Variants in TASP1 observed in about 807,000 individuals in gnomAD.
TASP1 encodes the protein taspase 1, also known as threonine aspartase 1.
A neutral mutation model predicts 56.6 loss-of-function variants in TASP1; 16 were observed. The observed-to-expected ratio is 0.28, with a 90% confidence interval of 0.19 to 0.43. The LOEUF (loss-of-function observed/expected upper bound fraction) is 0.43, where lower values mean the gene tolerates loss of function less well. TASP1 is among the 20% of genes least tolerant of loss of function. TASP1 has a pLI of 1.00. For missense variants in TASP1, 393 were observed against 511.6 expected (o/e 0.77, Z 2.24); for synonymous variants, 179 against 184.2 (o/e 0.97, Z 0.23).
the TASP1 span, among the ~76,000 whole-genome samples, chr20:13,262,180 T>A: frequency 6.6e-6 from 1 of 151,966 alleles, no homozygotes. Context: ...TCATTAAATA[T>A]TTGCTCAAAG....
At chr20:13,235,281 A>C in the TASP1 span, among the ~76,000 whole-genome samples, 40,670 of 152,084 alleles carry the variant, frequency 0.27, 5,687 homozygotes, top group African/African-American at 0.36. Context: ...GGGATTACAC[A>C]TCAGTCATAT....
At chr20:13,221,512 C>G in the TASP1 span, among the ~76,000 whole-genome samples, 1 of 144,290 alleles carries the variant, frequency 6.9e-6, no homozygotes, top group Non-Finnish European at 1.5e-5. Context: ...GCTCCGCAGC[C>G]GGCTTGGACA....
intron 12 of TASP1, among the ~76,000 whole-genome samples, chr20:13,419,566 T>C (rs75119973): frequency 0.02 from 2,984 of 152,266 alleles, 94 homozygotes; most frequent in African/African-American, 0.068. Flanking sequence ...AATAAAAATT[T>C]CAAAAGTCCC....
intron 13 of TASP1, among the ~76,000 whole-genome samples, chr20:13,406,286 G>A (rs1305391727): frequency 6.6e-6 from 1 of 152,138 alleles, no homozygotes; most frequent in Non-Finnish European, 1.5e-5. Context: ...CTATCTTACT[G>A]TGTTTTCCAA....
intron 10 of TASP1, among the ~76,000 whole-genome samples, chr20:13,493,457 C>G (rs1196407715): frequency 6.6e-6 from 1 of 152,164 alleles, no homozygotes; most frequent in African/African-American, 2.4e-5. Flanking sequence ...TGGCTTTTCC[C>G]TTTCCTATAC....
At chr20:13,426,992 T>C (rs1180269749) in intron 12 of TASP1, among the ~76,000 whole-genome samples, 1 of 152,214 alleles carries the variant, frequency 6.6e-6, no homozygotes, top group African/African-American at 2.4e-5. Context: ...CTTTTCCCAC[T>C]ACCAGCCTAA....
chr20:13,302,733 C>T, the TASP1 span, among the ~76,000 whole-genome samples: 1 of 152,316 alleles, frequency 6.6e-6, no homozygotes, highest in South Asian at 2.1e-4. Flanking sequence ...CTTTTGCCTT[C>T]CCCTGGAAAG....
intron 11 of TASP1, among the ~76,000 whole-genome samples, chr20:13,472,085 C>T (rs909896991): frequency 6.6e-6 from 1 of 151,220 alleles, no homozygotes; most frequent in Non-Finnish European, 1.5e-5. Flanking sequence ...TACCTGACTT[C>T]AAACTATACT....
At chr20:13,210,594 G>T in the TASP1 span, among the ~76,000 whole-genome samples, 1 of 149,146 alleles carries the variant, frequency 6.7e-6, no homozygotes, top group African/African-American at 2.5e-5. Context: ...TAAATGGGTT[G>T]TTGTGTGTTT....
the TASP1 span, among the ~76,000 whole-genome samples, chr20:13,192,875 T>A: frequency 9.9e-5 from 15 of 152,186 alleles, no homozygotes; most frequent in Non-Finnish European, 2.1e-4. Context: ...TTTTCAGAAG[T>A]AACAAAAGTA....
the TASP1 span, among the ~76,000 whole-genome samples, chr20:13,179,673 T>C: frequency 6.6e-6 from 1 of 152,086 alleles, no homozygotes; most frequent in Non-Finnish European, 1.5e-5. Flanking sequence ...TCCTGACCCA[T>C]GCAGAGTGAA....
At chr20:13,378,828 T>C in the TASP1 span, among the ~76,000 whole-genome samples, 1 of 152,238 alleles carries the variant, frequency 6.6e-6, no homozygotes, top group Non-Finnish European at 1.5e-5. Context: ...CATTATGTAA[T>C]GCCTTTCTTT....
chr20:13,294,173 C>T, the TASP1 span, among the ~76,000 whole-genome samples: 4 of 152,006 alleles, frequency 2.6e-5, no homozygotes, highest in African/African-American at 9.7e-5. Flanking sequence ...CTTGATTTTG[C>T]CAGATTATAT....
the TASP1 span, among the ~76,000 whole-genome samples, chr20:13,366,806 TCC>T: frequency 6.6e-6 from 1 of 152,134 alleles, no homozygotes; most frequent in Non-Finnish European, 1.5e-5. Flanking sequence ...AAAAAGCATT[TCC>T]CCTTTCCTTG....
intron 11 of TASP1, among the ~76,000 whole-genome samples, chr20:13,459,672 T>C (rs115436652): frequency 3.0e-3 from 450 of 152,142 alleles, no homozygotes; most frequent in African/African-American, 0.01. Context: ...TATTTCCTCC[T>C]CCATGGGAAC....
chr20:13,306,241 C>A, the TASP1 span, among the ~76,000 whole-genome samples: 1 of 152,008 alleles, frequency 6.6e-6, no homozygotes, highest in Non-Finnish European at 1.5e-5. Context: ...AAATTTCAAG[C>A]CTGACTTTTA....
At chr20:13,613,649 T>C (rs1274996704) in intron 4 of TASP1, among the ~76,000 whole-genome samples, 2 of 152,068 alleles carry the variant, frequency 1.3e-5, no homozygotes, top group Non-Finnish European at 2.9e-5. Flanking sequence ...TTCACCCAAA[T>C]ACTGGCCAAT....
the TASP1 span, among the ~76,000 whole-genome samples, chr20:13,223,794 T>G: frequency 5.1e-4 from 77 of 152,316 alleles, no homozygotes; most frequent in African/African-American, 1.7e-3. Context: ...TCTTAATATC[T>G]TCAAGATTTC....
the TASP1 span, among the ~76,000 whole-genome samples, chr20:13,202,742 C>T: frequency 1.3e-5 from 2 of 152,118 alleles, no homozygotes; most frequent in Non-Finnish European, 2.9e-5. Context: ...GTACAGAAAA[C>T]GGAAGTGAGG....
Sources: gnomAD v4.1 joint callset for allele counts (sites outside exome capture counted in the v4.1 genomes callset) on GRCh38, gnomAD v4.1.1 for gene constraint, MANE v1.5 for transcripts, NCBI Gene and HGNC (gene_info 2026-07-23, HGNC 2026-07-21) for gene names.